AKT3: variants seen among roughly 807,000 people sequenced by gnomAD.
AKT3 encodes the protein AKT serine/threonine kinase 3.
In AKT3, 15 loss-of-function variants were observed where a neutral mutation model predicts 65.3. The observed-to-expected ratio is 0.23, with a 90% confidence interval of 0.15 to 0.35. The LOEUF is 0.35. AKT3 is among the 10% of genes least tolerant of loss of function. The pLI, the probability that AKT3 is intolerant of heterozygous loss-of-function variation, is 1.00. For synonymous variants in AKT3, 206 were observed against 183.8 expected (o/e 1.12, Z -0.98); for missense variants, 243 against 576.5 (o/e 0.42, Z 5.92).
At chr1:243,805,088 C>A (rs577562593) in intron 2 of AKT3, among the ~76,000 whole-genome samples, 1 of 152,110 alleles carries the variant, frequency 6.6e-6, no homozygotes, top group African/African-American at 2.4e-5. Flanking sequence ...TTCACACTCC[C>A]GGGATACATA....
intron 2 of AKT3, among the ~76,000 whole-genome samples, chr1:243,764,486 A>G (rs1244656707): frequency 6.6e-6 from 1 of 152,118 alleles, no homozygotes; most frequent in Non-Finnish European, 1.5e-5. Context: ...AAAGTATAAT[A>G]CACAAATACG....
intron 2 of AKT3, among the ~76,000 whole-genome samples, chr1:243,799,557 G>A (rs1382166729): frequency 6.6e-6 from 1 of 152,224 alleles, no homozygotes; most frequent in East Asian, 1.9e-4. Flanking sequence ...TCAGACTAGG[G>A]GTAGGGGATG....
At chr1:243,596,257 A>C (rs1275414202) in intron 8 of AKT3, among the ~76,000 whole-genome samples, 1 of 152,204 alleles carries the variant, frequency 6.6e-6, no homozygotes, top group Admixed American at 6.5e-5. Flanking sequence ...ATAAGACATC[A>C]AAATTAAAAA....
intron 12 of AKT3, among the ~76,000 whole-genome samples, chr1:243,513,076 G>A (rs566838073): frequency 1.3e-5 from 2 of 152,320 alleles, no homozygotes; most frequent in Non-Finnish European, 2.9e-5. Context: ...CCCTGAGATT[G>A]ACAGGGCAGG....
At position 243,538,531 on chromosome 1, in the gene AKT3, G is replaced by A. The variant is rs1352580686; in HGVS notation, c.1251+6979C>T. Among the ~76,000 whole-genome samples, 3 of 152,082 alleles carry A rather than the reference G, an allele frequency of 2.0e-5. No homozygotes were observed. In the South Asian group the frequency reaches 6.2e-4, roughly 32 times the overall value. On this transcript the variant is annotated intron_variant, in intron 12 of 13. Transcript: ENST00000673466. The stretch of plus-strand genomic sequence containing the variant: ...GAAAAACAAGAATTGACTATATGCT[G>A]TCTAAAAGAATATCCACTTAAATAT...
intron 2 of AKT3, among the ~76,000 whole-genome samples, chr1:243,759,980 A>C (rs1689383153): frequency 6.6e-6 from 1 of 152,148 alleles, no homozygotes; most frequent in Non-Finnish European, 1.5e-5. Context: ...AATAAACTAA[A>C]TCTTGCACAG....
chr1:243,678,913 T>C (rs535667256), intron 3 of AKT3, among the ~76,000 whole-genome samples: 3 of 152,252 alleles, frequency 2.0e-5, no homozygotes, highest in African/African-American at 7.2e-5. Flanking sequence ...TTTTCAATAA[T>C]AGTACACCAA....
At chr1:243,786,086 T>C (rs999533959) in intron 2 of AKT3, among the ~76,000 whole-genome samples, 4 of 152,206 alleles carry the variant, frequency 2.6e-5, no homozygotes, top group African/African-American at 9.7e-5. Flanking sequence ...TTTTTCTTCT[T>C]CATGAGACAA....
At chr1:243,636,126 C>G (rs532086242) in intron 6 of AKT3, among the ~76,000 whole-genome samples, 1 of 151,858 alleles carries the variant, frequency 6.6e-6, no homozygotes, top group East Asian at 1.9e-4. Flanking sequence ...AAAGAAAAAA[C>G]AGAATGGAAT....
chr1:243,802,591 T>C (rs1293375621), intron 2 of AKT3, among the ~76,000 whole-genome samples: 1 of 152,218 alleles, frequency 6.6e-6, no homozygotes, highest in Non-Finnish European at 1.5e-5. Flanking sequence ...ATCATTAATT[T>C]TCCTACAGTA....
At chr1:243,693,242 TGATA>T (rs1403479163) in intron 3 of AKT3, among the ~76,000 whole-genome samples, 1,114 of 59,922 alleles carry the variant, frequency 0.019, 254 homozygotes, top group Non-Finnish European at 0.022. Context: ...AGCTACAATT[TGATA>T]TATATATATA....
At chr1:243,768,535 C>A (rs1055462312) in intron 2 of AKT3, among the ~76,000 whole-genome samples, 5 of 152,094 alleles carry the variant, frequency 3.3e-5, no homozygotes, top group African/African-American at 1.2e-4. Context: ...GGTGCCACAA[C>A]TTTTAAAAAA....
At chr1:243,667,207 T>C (rs912568579) in intron 3 of AKT3, among the ~76,000 whole-genome samples, 9 of 152,198 alleles carry the variant, frequency 5.9e-5, no homozygotes, top group Non-Finnish European at 1.3e-4. Context: ...TACTTCAGAT[T>C]CTGTGTGCCC....
intron 2 of AKT3, among the ~76,000 whole-genome samples, chr1:243,760,184 G>A (rs1689395137): frequency 6.6e-6 from 1 of 151,250 alleles, no homozygotes; most frequent in Non-Finnish European, 1.5e-5. Context: ...CGGTGGTGTG[G>A]CCTTTGCCCA....
intron 3 of AKT3, among the ~76,000 whole-genome samples, chr1:243,665,753 A>T (rs551389065): frequency 6.6e-6 from 1 of 152,222 alleles, no homozygotes; most frequent in African/African-American, 2.4e-5. Flanking sequence ...TAAGCTTTCA[A>T]CAAACATTAA....
chr1:243,628,354 A>T (rs1042298994), intron 6 of AKT3, among the ~76,000 whole-genome samples: 3 of 151,968 alleles, frequency 2.0e-5, no homozygotes, highest in African/African-American at 7.3e-5. Context: ...GGCTGAATAC[A>T]GTGGGGGCAA....
At chr1:243,634,475 CTT>C (rs945312866) in intron 6 of AKT3, among the ~76,000 whole-genome samples, 2 of 151,854 alleles carry the variant, frequency 1.3e-5, no homozygotes, top group African/African-American at 2.4e-5. Flanking sequence ...AAATAGAAAA[CTT>C]ATAACAATAT....
At chr1:243,499,640 G>A, downstream of AKT3, 6 of 846,940 alleles carry the variant, frequency 7.1e-6, no homozygotes, top group South Asian at 8.5e-5. Flanking sequence ...TTAGCAACAG[G>A]TTTTTTTCTC....
chr1:243,843,379 C>T (rs1695364305), intron 1 of AKT3, 97 bp from the exon 2 acceptor site: 11 of 1,213,652 alleles, frequency 9.1e-6, no homozygotes, highest in Non-Finnish European at 7.3e-6. Context: ...TTCAACTGGC[C>T]TGACCTCACA....
Sources: allele counts gnomAD v4.1 joint callset (sites outside exome capture counted in the v4.1 genomes callset), GRCh38; gene constraint gnomAD v4.1.1; transcripts MANE v1.5; gene names NCBI Gene and HGNC (gene_info 2026-07-23, HGNC 2026-07-21).